Variants in DMP1 observed in about 807,000 individuals in gnomAD.
DMP1 encodes the protein dentin matrix acidic phosphoprotein 1.
In DMP1, 20 loss-of-function variants were observed where a neutral mutation model predicts 14.6. The observed-to-expected ratio is 1.37, with a 90% CI of 0.96 to 1.99. The LOEUF is 1.99. DMP1 is among the 30% of genes most tolerant of loss of function. The pLI is 0.00. For synonymous variants in DMP1, 197 were observed against 215.3 expected (o/e 0.91, Z 0.75); for missense variants, 567 against 620.5 (o/e 0.91, Z 0.92).
intron 5 of DMP1, among the ~76,000 whole-genome samples, chr4:87,660,981 G>T (rs1728846351): frequency 6.6e-6 from 1 of 152,136 alleles, no homozygotes; most frequent in Non-Finnish European, 1.5e-5. Context: ...ACACTTTAAT[G>T]CATGAGCATT....
chr4:87,657,116 T>C (rs774613442), intron 3 of DMP1, 37 bp downstream of exon 3: 1 of 1,225,812 alleles, frequency 8.2e-7, no homozygotes, highest in South Asian at 1.2e-5. Flanking sequence ...TATTTTAATT[T>C]TAATTTATTA....
rs1180733892 is a variant in DMP1, at chr4:87,664,232, G to C, written c.*912G>C. ...TTGCGTGCAATGCTAGAAAAAAACT[G>C]TTCTCTGAGTCCTTTACAGAGCAAA... is the stretch of plus-strand genomic sequence containing the variant. On this transcript the variant is annotated 3_prime_UTR_variant, in exon 6 of 6. Coordinates refer to ENST00000339673, the MANE Select transcript of DMP1 (RefSeq NM_004407.4). The C allele has an allele frequency of 6.6e-6, 1 of 152,536 alleles. No individual in the cohort carries two copies. The highest frequency in any genetic ancestry group is 1.9e-4 in the East Asian group (1 of 5,192). The allele number at this position is 152,536 out of a possible 1,614,324, so 9.4% of individuals were successfully genotyped here.
chr4:87,660,074 A>C (rs1728815783), intron 5 of DMP1, among the ~76,000 whole-genome samples: 1 of 152,178 alleles, frequency 6.6e-6, no homozygotes, highest in African/African-American at 2.4e-5. Context: ...TTACTTTCTT[A>C]GCTATGCTAT....
Position 87,663,605 on chromosome 4 carries a change from C to G in DMP1, c.*285C>G. The G allele has an allele frequency of 2.1e-6, 1 of 473,224 alleles. No homozygotes were observed. The highest frequency in any genetic ancestry group is 3.9e-6 in the Non-Finnish European group (1 of 259,534). 29.3% of individuals were successfully genotyped at this position (473,224 alleles called of 1,614,324 possible). ...GATAGTTCCTAATTCATCAACGTAACAAACAAAGCTATTGGGTGTCCATGA... is the reference window on the plus strand; with the variant it reads ...GATAGTTCCTAATTCATCAACGTAAGAAACAAAGCTATTGGGTGTCCATGA... On this transcript the variant is annotated 3_prime_UTR_variant, in exon 6 of 6. Transcript: ENST00000339673.
In DMP1 at chr4:87,662,751, C is replaced by T; in HGVS notation, c.973C>T (p.Leu325=). 1 of 1,614,102 alleles carries T rather than the reference C, an allele frequency of 6.2e-7. No individual in the cohort carries two copies. ...CTCTCAAGAAGACAGCAAGGAGAAT[C>T]TGTCCCAGGAAGAGAGCCAAAACGT... The part of the protein sequence containing the change: ...GDSQEDSKEN[L]SQEESQNVDG... Residue 325 remains leucine (L), a synonymous_variant, in exon 6 of 6, where the codon CTG becomes TTG. Transcript: ENST00000339673.
chr4:87,661,307 G>A (rs34346587), intron 5 of DMP1, among the ~76,000 whole-genome samples: 1 of 135,498 alleles, frequency 7.4e-6, no homozygotes, highest in African/African-American at 2.7e-5. Flanking sequence ...TGCAGGCTCC[G>A]CCCCCTGGGG....
chr4:87,659,084 T>G, intron 3 of DMP1, 136 bp from the exon 4 acceptor site: 2 of 855,064 alleles, frequency 2.3e-6, no homozygotes, highest in East Asian at 5.3e-5. Context: ...ATCATAAAAT[T>G]TCACTATTAC....
chr4:87,663,420 T>A lies in DMP1; in HGVS notation c.*100T>A, dbSNP rs919088418. 6 of 1,560,194 alleles carry A rather than the reference T, an allele frequency of 3.8e-6. No homozygotes were observed. The highest frequency in any genetic ancestry group is 5.3e-6 in the Non-Finnish European group (6 of 1,137,082). On this transcript the variant is annotated 3_prime_UTR_variant, in exon 6 of 6. Transcript: ENST00000339673. ...TTTATTGATGTTTTGATCAAAAGAA[T>A]AACCAGATGCCATATTTTTCCTGAA...
At position 87,662,706 on chromosome 4, in the gene DMP1, A is replaced by C; in HGVS notation, c.928A>C (p.Arg310=). 6.2e-7 allele frequency: 1 copy of C among 1,614,196 alleles called. No homozygotes were observed. The highest frequency in any genetic ancestry group is 8.5e-7 in the Non-Finnish European group (1 of 1,180,032). Residue 310 remains arginine, a synonymous_variant, in exon 6 of 6, where the codon AGG becomes CGG. Transcript: ENST00000339673. ...NSRDTGLSQP[R]RDSKGDSQED... is the part of the protein sequence containing the mutation. ...CAGAGACACTGGCCTCAGCCAACCC[A>C]GGAGAGACAGCAAGGGTGACTCTCA...
intron 3 of DMP1, 193 bp from the exon 4 acceptor site, chr4:87,659,027 A>G (rs1728778427): frequency 3.2e-6 from 2 of 631,814 alleles, no homozygotes; most frequent in African/African-American, 3.7e-5. Flanking sequence ...ATATCCCAAG[A>G]TCTTTTCAAG....
Position 87,662,437 on chromosome 4 carries a change from C to T in DMP1, c.659C>T (p.Pro220Leu). Residue 220 changes from proline to leucine, a missense_variant, in exon 6 of 6, where the codon CCA becomes CTA. Pro to Leu is a moderately conservative substitution (Grantham distance 98). Transcript: ENST00000339673. ...LDDEGMQSDD[P>L]ESIRSERGNS... ...GATGAGGGAATGCAGAGTGATGACC[C>T]AGAGAGCATCAGGAGTGAAAGGGGA... 6.2e-7 allele frequency: 1 copy of T among 1,614,128 alleles called. No homozygotes were observed. The highest frequency in any genetic ancestry group is 8.5e-7 in the Non-Finnish European group (1 of 1,180,030).
chr4:87,662,163 G>GT lies in DMP1; in HGVS notation c.385_386insT (p.Gly129ValfsTer9). The stretch of plus-strand genomic sequence containing the variant: ...CCCAGGGCCCAAAGACAGACAAGAA[G>GT]GAGGAAACTCCAGACTGGGAAGTGA... On this transcript the variant is annotated frameshift_variant, in exon 6 of 6. Coordinates refer to ENST00000339673, the MANE Select transcript of DMP1 (RefSeq NM_004407.4). LOFTEE classifies it low-confidence loss of function (END_TRUNC). 1 of 1,614,230 alleles carries GT rather than the reference G, an allele frequency of 6.2e-7. No homozygotes were observed. The highest frequency in any genetic ancestry group is 8.5e-7 in the Non-Finnish European group (1 of 1,180,042).
At chr4:87,657,150 T>C (rs1578152495) in intron 3 of DMP1, 71 bp downstream of exon 3, 1 of 892,892 alleles carries the variant, frequency 1.1e-6, no homozygotes, top group East Asian at 2.6e-5. Context: ...ATTGATTTCA[T>C]TGCAAATATT....
Position 87,662,053 on chromosome 4 carries a change from C to T in DMP1, c.275C>T (p.Ser92Phe). The T allele has an allele frequency of 6.2e-7, 1 of 1,614,128 alleles. No individual in the cohort carries two copies. Among genetic ancestry groups the T allele is most frequent in the Non-Finnish European group, 8.5e-7 (1 of 1,180,032 alleles). The stretch of plus-strand genomic sequence containing the variant: ...ATTTATAGGCTAGCTGGTGGCTTCT[C>T]CAGGAGCACAGGAAAAGGAGGAGAT... ...QYIYRLAGGF[S>F]RSTGKGGDDK... is the part of the protein sequence containing the mutation. The change falls in exon 6 of 6, where the codon TCC (serine) becomes TTC (phenylalanine). Residue 92 changes from serine to phenylalanine, a missense_variant. By Grantham distance (155) the Ser-to-Phe change is radical. Transcript: ENST00000339673.
intron 1 of DMP1, 138 bp downstream of exon 1, chr4:87,650,522 C>G (rs1728507560): frequency 6.6e-6 from 1 of 152,056 alleles, no homozygotes; most frequent in Non-Finnish European, 1.5e-5. Flanking sequence ...AAAACAGTTC[C>G]TATTTTTGTG....
In DMP1 at chr4:87,662,689, C is replaced by T; in HGVS notation, c.911C>T (p.Thr304Ile). 6.2e-7 allele frequency: 1 copy of T among 1,614,170 alleles called. No individual in the cohort carries two copies. Among genetic ancestry groups the T allele is most frequent in the African/African-American group, 1.3e-5 (1 of 75,044 alleles). Residue 304 changes from threonine to isoleucine, a missense_variant, in exon 6 of 6, where the codon ACT becomes ATT. Physicochemically the swap from Thr to Ile is moderately conservative, Grantham distance 89 (BLOSUM62 -1). Coordinates refer to ENST00000339673, the MANE Select transcript of DMP1 (RefSeq NM_004407.4). ...ACAGAAAACAGCAACTCCAGAGACA[C>T]TGGCCTCAGCCAACCCAGGAGAGAC... is the stretch of plus-strand genomic sequence containing the variant. ...DSTENSNSRDTGLSQPRRDSK... is the reference protein window; with the variant it reads ...DSTENSNSRDIGLSQPRRDSK...
rs531664049 is a variant in DMP1 at position 87,655,097 on chromosome 4, G to A, written c.-21-1375G>A. Among the ~76,000 whole-genome samples, 74 of 152,172 alleles carry A rather than the reference G, an allele frequency of 4.9e-4. 1 individual carries two copies. The highest frequency in any genetic ancestry group is 1.7e-3 in the African/African-American group (69 of 41,532). On this transcript the variant is annotated intron_variant, in intron 1 of 5. Coordinates refer to ENST00000339673, the MANE Select transcript of DMP1 (RefSeq NM_004407.4). Reference sequence around the variant, plus strand: ...TTTCCCTTTGACTTAGTGAGTTTGGGGTCCCAAGATTTTATTTTCCTTTCA... The same window carrying A: ...TTTCCCTTTGACTTAGTGAGTTTGGAGTCCCAAGATTTTATTTTCCTTTCA...
At chr4:87,653,385 T>C (rs1393198439) in intron 1 of DMP1, among the ~76,000 whole-genome samples, 4 of 56,498 alleles carry the variant, frequency 7.1e-5, no homozygotes, top group Admixed American at 2.4e-4. Context: ...CATTATCGAG[T>C]GATATATATA....
At chr4:87,654,054 C>A (rs1728612080) in intron 1 of DMP1, among the ~76,000 whole-genome samples, 2 of 152,152 alleles carry the variant, frequency 1.3e-5, no homozygotes, top group Non-Finnish European at 2.9e-5. Context: ...GGTGGCCCAG[C>A]AAAGCCTGTC....
Sources: allele counts gnomAD v4.1 joint callset (sites outside exome capture counted in the v4.1 genomes callset), GRCh38; gene constraint gnomAD v4.1.1; transcripts MANE v1.5; gene names NCBI Gene and HGNC (gene_info 2026-07-23, HGNC 2026-07-21).